JCHAIN: variants seen among roughly 807,000 people sequenced by gnomAD.
JCHAIN encodes joining chain of multimeric IgA and IgM.
A neutral mutation model predicts 11.1 loss-of-function variants in JCHAIN; 5 were observed. That is an observed-to-expected ratio of 0.45 (90% confidence interval 0.24 to 0.95). JCHAIN has a LOEUF of 0.95. Among genes scored for constraint, JCHAIN ranks in the 40% least tolerant of loss-of-function variants. The probability of loss-of-function intolerance (pLI) is 0.21; values close to 1 mark genes in which losing one functional copy is unlikely to be tolerated. For missense variants in JCHAIN, 165 were observed against 192.7 expected (o/e 0.86, Z 0.85); for synonymous variants, 51 against 67.8 (o/e 0.75, Z 1.22).
intron 1 of JCHAIN, among the ~76,000 whole-genome samples, chr4:70,662,694 C>G (rs920749264): frequency 3.3e-5 from 5 of 152,132 alleles, no homozygotes; most frequent in African/African-American, 1.2e-4. Flanking sequence ...GGCGCAGTGG[C>G]TCATGCCTGT....
intron 2 of JCHAIN, among the ~76,000 whole-genome samples, chr4:70,661,848 T>G (rs1284544392): frequency 1.3e-5 from 2 of 152,210 alleles, no homozygotes; most frequent in African/African-American, 4.8e-5. Flanking sequence ...ATGACTAGAT[T>G]ACAACCTTTG....
chr4:70,657,383 C>G, intron 2 of JCHAIN, 92 bp from the exon 3 acceptor site: 3 of 740,818 alleles, frequency 4.0e-6, no homozygotes, highest in South Asian at 1.6e-5. Flanking sequence ...TTCATCAGAA[C>G]AGTACTTATT....
At chr4:70,664,437 A>C (rs1382292999) in intron 1 of JCHAIN, among the ~76,000 whole-genome samples, 1 of 152,148 alleles carries the variant, frequency 6.6e-6, no homozygotes, top group Non-Finnish European at 1.5e-5. Context: ...TCCCAGAGCA[A>C]AGAGGACCTA....
In JCHAIN at chr4:70,662,116, A is replaced by G. The variant is rs199752258; in HGVS notation, c.164T>C (p.Ile55Thr). Residue 55 changes from isoleucine (I) to threonine (T), a missense_variant, in exon 2 of 4, where the codon ATT becomes ACT. Transcript: ENST00000254801. ...CATAATTCGGATGTTTCTCTCCACA[A>G]TGTCCTCATTAGGATCTTCGGAAGA... ...IRSSEDPNED[I>T]VERNIRIIVP... is the part of the protein sequence containing the mutation. 1.8e-5 allele frequency: 29 copies of G among 1,613,856 alleles called. No individual in the cohort carries two copies. In the African/African-American group the frequency reaches 3.7e-4, roughly 21 times the overall value.
rs200564844 is a variant in JCHAIN, at chr4:70,656,111, ATACT to A, written c.*214_*217del. 2.6e-3 allele frequency: 1,322 copies of A among 507,532 alleles called. 17 individuals are homozygous for A. The highest frequency in any genetic ancestry group is 0.022 in the African/African-American group (1,125 of 51,760). The allele number at this position is 507,532 out of a possible 1,614,324, so 31.4% of individuals were successfully genotyped here. ...TGAGCATGATAATTGGAAGATTTTG[ATACT>A]TAGAGTATGAACATATAATTAAGAA... On this transcript the variant is annotated 3_prime_UTR_variant, in exon 4 of 4. Transcript: ENST00000254801.
At chr4:70,659,625 G>A (rs1456155661) in intron 2 of JCHAIN, among the ~76,000 whole-genome samples, 1 of 148,766 alleles carries the variant, frequency 6.7e-6, no homozygotes, top group Non-Finnish European at 1.5e-5. Context: ...ACTTTGGGAG[G>A]CCAAGGTGGG....
At chr4:70,664,394 T>C (rs1419474199) in intron 1 of JCHAIN, among the ~76,000 whole-genome samples, 3 of 152,106 alleles carry the variant, frequency 2.0e-5, no homozygotes, top group East Asian at 1.9e-4. Flanking sequence ...AGAATAGTTA[T>C]AATTTTAACT....
chr4:70,661,496 T>C (rs986065610), intron 2 of JCHAIN, among the ~76,000 whole-genome samples: 3 of 152,212 alleles, frequency 2.0e-5, no homozygotes, highest in East Asian at 1.9e-4. Flanking sequence ...CTGATTCAAA[T>C]TGAAATAACT....
At chr4:70,666,051 T>C (rs983848152) in intron 1 of JCHAIN, among the ~76,000 whole-genome samples, 1 of 152,116 alleles carries the variant, frequency 6.6e-6, no homozygotes, top group African/African-American at 2.4e-5. Context: ...GGAAATAAAA[T>C]CCCAATGCAT....
rs3214512 is a variant in JCHAIN at position 70,657,563 on chromosome 4, G to GT, written c.189-273dup. Reference sequence around the variant, plus strand: ...GCTTTTCCTTTAAAACTCAACTCACGTTTTACCTCTGTAATAATTATATTG... The same window carrying GT: ...GCTTTTCCTTTAAAACTCAACTCACGTTTTTACCTCTGTAATAATTATATTG... On this transcript the variant is annotated intron_variant, in intron 2 of 3. Transcript: ENST00000254801. Among the ~76,000 whole-genome samples, 161 of 151,978 alleles carry GT rather than the reference G, an allele frequency of 1.1e-3. 4 individuals are homozygous for GT. The East Asian group carries it at 0.03, about 28-fold the overall frequency.
intron 1 of JCHAIN, among the ~76,000 whole-genome samples, chr4:70,663,877 A>G (rs1428568091): frequency 6.6e-6 from 1 of 151,900 alleles, no homozygotes; most frequent in Non-Finnish European, 1.5e-5. Flanking sequence ...CAGATTTTAA[A>G]AATTCAATAA....
chr4:70,666,307 T>A (rs901167397), intron 1 of JCHAIN, 120 bp downstream of exon 1: 4 of 639,998 alleles, frequency 6.3e-6, no homozygotes, highest in Non-Finnish European at 1.1e-5. Flanking sequence ...GAAAGCATGT[T>A]AGGAAAAAGT....
In JCHAIN at chr4:70,656,264, A is replaced by G. The variant is rs970794545; in HGVS notation, c.*65T>C. On this transcript the variant is annotated 3_prime_UTR_variant, in exon 4 of 4. Transcript: ENST00000254801. ...CAAATTCATTGGTAATAAATATGCT[A>G]ACTTTCTGAATCAAAATGGAGAGCC... 1 of 1,208,646 alleles carries G rather than the reference A, an allele frequency of 8.3e-7. No homozygotes were observed. The highest frequency in any genetic ancestry group is 1.5e-5 in the African/African-American group (1 of 66,194). The allele number at this position is 1,208,646 out of a possible 1,614,324, so 74.9% of individuals were successfully genotyped here.
At chr4:70,664,835 G>A (rs1739123642) in intron 1 of JCHAIN, among the ~76,000 whole-genome samples, 1 of 152,152 alleles carries the variant, frequency 6.6e-6, no homozygotes, top group African/African-American at 2.4e-5. Flanking sequence ...TACGGCATAT[G>A]ATTACTTCCT....
In JCHAIN at chr4:70,656,239, C is replaced by A; in HGVS notation, c.*90G>T. 36 of 842,226 alleles carry A rather than the reference C, an allele frequency of 4.3e-5. No homozygotes were observed. The highest frequency in any genetic ancestry group is 5.8e-5 in the South Asian group (3 of 52,084). 52.2% of individuals were successfully genotyped at this position (842,226 alleles called of 1,614,324 possible). A position where few individuals can be genotyped will look rare whatever the true frequency, so the allele number is the denominator to read the frequency against. On this transcript the variant is annotated 3_prime_UTR_variant, in exon 4 of 4. Transcript: ENST00000254801. The stretch of plus-strand genomic sequence containing the variant: ...CAAAAAAAAAAAAAAGCCCTGGTTT[C>A]AAATTCATTGGTAATAAATATGCTA...
chr4:70,655,696 C>A lies in JCHAIN; in HGVS notation c.*633G>T, dbSNP rs1738934529. The A allele has an allele frequency of 6.6e-6, 1 of 152,126 alleles. No individual in the cohort carries two copies. 9.4% of individuals were successfully genotyped at this position (152,126 alleles called of 1,614,324 possible). On this transcript the variant is annotated 3_prime_UTR_variant, in exon 4 of 4. Transcript: ENST00000254801. ...GAAAAAAAGAAGTCTGTATCATCTG[C>A]TTCCAAGTCTGTTATGTCCAAATAT...
At chr4:70,657,395 T>C (rs1172620736) in intron 2 of JCHAIN, 104 bp from the exon 3 acceptor site, 3 of 631,070 alleles carry the variant, frequency 4.8e-6, no homozygotes, top group East Asian at 2.7e-5. Flanking sequence ...GTACTTATTG[T>C]ATTTAGTACT....
chr4:70,657,858 T>C (rs1338806328), intron 2 of JCHAIN, among the ~76,000 whole-genome samples: 5 of 152,198 alleles, frequency 3.3e-5, no homozygotes, highest in Admixed American at 3.3e-4. Flanking sequence ...TAGGAGAGGT[T>C]AGTGATCCAC....
intron 1 of JCHAIN, among the ~76,000 whole-genome samples, chr4:70,665,381 G>A (rs751592790): frequency 5.9e-5 from 9 of 152,240 alleles, no homozygotes; most frequent in Non-Finnish European, 8.8e-5. Context: ...GAATTAGCAT[G>A]ATACCTAGAA....
Sources: allele counts gnomAD v4.1 joint callset (sites outside exome capture counted in the v4.1 genomes callset), GRCh38; gene constraint gnomAD v4.1.1; transcripts MANE v1.5; gene names NCBI Gene and HGNC (gene_info 2026-07-23, HGNC 2026-07-21).